ERBB4: variants seen among roughly 807,000 people sequenced by gnomAD.
ERBB4 encodes the protein erb-b2 receptor tyrosine kinase 4.
ERBB4 carries 42 observed loss-of-function variants against 158.0 expected under a neutral mutation model. The ratio of observed to expected loss-of-function variants is 0.27; its 90% CI spans 0.21 to 0.34. The LOEUF is 0.34. ERBB4 is among the 10% of genes least tolerant of loss of function. The pLI is 1.00. For missense variants in ERBB4, 1,333 were observed against 1,624.1 expected (o/e 0.82, Z 3.08); for synonymous variants, 583 against 558.7 (o/e 1.04, Z -0.61).
At chr2:211,640,047 C>T (rs1364558472) in intron 16 of ERBB4, among the ~76,000 whole-genome samples, 2 of 151,896 alleles carry the variant, frequency 1.3e-5, no homozygotes, top group Non-Finnish European at 2.9e-5. Context: ...AAAGTAATAG[C>T]CTGGTTTGTT....
chr2:212,442,214 A>G (rs2092268979), intron 1 of ERBB4, among the ~76,000 whole-genome samples: 1 of 152,136 alleles, frequency 6.6e-6, no homozygotes, highest in Non-Finnish European at 1.5e-5. Context: ...TAATTTATAT[A>G]AGGAGAAAAC....
chr2:211,701,051 G>A (rs539139680), intron 12 of ERBB4, among the ~76,000 whole-genome samples: 4 of 152,260 alleles, frequency 2.6e-5, no homozygotes, highest in Non-Finnish European at 5.9e-5. Flanking sequence ...GATAGGAATG[G>A]CATAGTCATG....
At chr2:212,075,083 GC>G (rs2078235037) in intron 2 of ERBB4, among the ~76,000 whole-genome samples, 1 of 151,700 alleles carries the variant, frequency 6.6e-6, no homozygotes, top group Non-Finnish European at 1.5e-5. Context: ...TCTCTTCTCA[GC>G]CATGATGAAA....
At chr2:212,192,186 A>T (rs2082293787) in intron 1 of ERBB4, among the ~76,000 whole-genome samples, 1 of 146,166 alleles carries the variant, frequency 6.8e-6, no homozygotes, top group Admixed American at 7.0e-5. Context: ...TATATATATA[A>T]TATTAGATAT....
intron 2 of ERBB4, among the ~76,000 whole-genome samples, chr2:211,973,599 G>C (rs1575457902): frequency 6.6e-6 from 1 of 152,186 alleles, no homozygotes; most frequent in African/African-American, 2.4e-5. Flanking sequence ...TGGTGAGGTT[G>C]TGGAGAAAAA....
chr2:211,990,495 T>C (rs2082044350), intron 2 of ERBB4, among the ~76,000 whole-genome samples: 1 of 150,932 alleles, frequency 6.6e-6, no homozygotes, highest in Admixed American at 6.6e-5. Context: ...TTGCACCACA[T>C]TTGAAGGAAA....
At chr2:212,310,884 T>G (rs1465886062) in intron 1 of ERBB4, among the ~76,000 whole-genome samples, 1 of 150,700 alleles carries the variant, frequency 6.6e-6, no homozygotes, top group East Asian at 2.0e-4. Flanking sequence ...GAAATTCATT[T>G]ACATAATATA....
intron 1 of ERBB4, among the ~76,000 whole-genome samples, chr2:212,194,528 T>G (rs1359153011): frequency 2.0e-5 from 3 of 152,056 alleles, no homozygotes; most frequent in Admixed American, 2.0e-4. Context: ...AAATGTGTGC[T>G]GACAATACAG....
intron 1 of ERBB4, among the ~76,000 whole-genome samples, chr2:212,357,327 A>G (rs1276906439): frequency 6.6e-6 from 1 of 151,888 alleles, no homozygotes; most frequent in Non-Finnish European, 1.5e-5. Flanking sequence ...AATTAGTCCA[A>G]TTTATCAAAG....
At chr2:211,605,292 T>C (rs1175681733) in intron 19 of ERBB4, among the ~76,000 whole-genome samples, 1 of 152,172 alleles carries the variant, frequency 6.6e-6, no homozygotes, top group African/African-American at 2.4e-5. Context: ...ACATTCTGAA[T>C]GCTATTTTTA....
chr2:211,653,925 C>T (rs1393908119), intron 16 of ERBB4, among the ~76,000 whole-genome samples: 1 of 152,072 alleles, frequency 6.6e-6, no homozygotes, highest in Non-Finnish European at 1.5e-5. Context: ...CTGCCCGCCT[C>T]GGCCTCCCAA....
intron 3 of ERBB4, among the ~76,000 whole-genome samples, chr2:211,944,166 A>G (rs2080593060): frequency 1.1e-5 from 1 of 88,480 alleles, no homozygotes; most frequent in East Asian, 2.6e-4. Context: ...TATATACACT[A>G]TATATATATA....
intron 1 of ERBB4, among the ~76,000 whole-genome samples, chr2:212,350,911 T>A (rs915070397): frequency 6.6e-6 from 1 of 152,042 alleles, no homozygotes; most frequent in African/African-American, 2.4e-5. Context: ...CACTTTGAAA[T>A]AAAAAGCAAG....
chr2:212,164,718 A>T (rs2081297653), intron 1 of ERBB4, among the ~76,000 whole-genome samples: 1 of 152,018 alleles, frequency 6.6e-6, no homozygotes, highest in Non-Finnish European at 1.5e-5. Context: ...ATCTCAGACA[A>T]TTTGAAAAAT....
At chr2:211,976,474 T>A (rs2081608439) in intron 2 of ERBB4, among the ~76,000 whole-genome samples, 1 of 152,156 alleles carries the variant, frequency 6.6e-6, no homozygotes, top group Non-Finnish European at 1.5e-5. Flanking sequence ...TTGCATGATA[T>A]CATAGAGTTC....
chr2:211,943,423 C>T (rs901100857), intron 3 of ERBB4, among the ~76,000 whole-genome samples: 3 of 152,216 alleles, frequency 2.0e-5, no homozygotes, highest in South Asian at 2.1e-4. Context: ...GTGACCTTAA[C>T]GGAAGACATG....
intron 1 of ERBB4, among the ~76,000 whole-genome samples, chr2:212,187,975 T>A (rs1559690373): frequency 6.6e-6 from 1 of 152,162 alleles, no homozygotes; most frequent in East Asian, 1.9e-4. Flanking sequence ...ACTTCAATCC[T>A]ATAATATTAT....
chr2:212,506,532 A>C (rs1473033847), intron 1 of ERBB4, among the ~76,000 whole-genome samples: 3 of 108,078 alleles, frequency 2.8e-5, no homozygotes, highest in Admixed American at 8.5e-5. Flanking sequence ...AAATGATAAC[A>C]AAAAAAAAAA....
At chr2:212,062,511 G>A (rs901890563) in intron 2 of ERBB4, among the ~76,000 whole-genome samples, 3 of 134,770 alleles carry the variant, frequency 2.2e-5, no homozygotes, top group South Asian at 4.8e-4. Flanking sequence ...TGGTTTAAGC[G>A]ATTCTCCTGC....
Sources: gnomAD v4.1 joint callset for allele counts (sites outside exome capture counted in the v4.1 genomes callset) on GRCh38, gnomAD v4.1.1 for gene constraint, MANE v1.5 for transcripts, NCBI Gene and HGNC (gene_info 2026-07-23, HGNC 2026-07-21) for gene names.